The following CAMK2D variants were observed in gnomAD, a reference collection of about 807,000 sequenced individuals.
CAMK2D encodes the protein calcium/calmodulin dependent protein kinase II delta, also known as calcium/calmodulin-dependent protein kinase type II subunit delta.
Under a neutral mutation model 84.0 loss-of-function variants are expected in CAMK2D, and 37 were observed. The observed-to-expected ratio is 0.44, with a 90% CI of 0.34 to 0.58. The LOEUF (loss-of-function observed/expected upper bound fraction) is 0.58. Ranked by LOEUF, CAMK2D falls within the 20% of genes least tolerant of loss-of-function variation. The probability of loss-of-function intolerance (pLI) is 0.02; values close to 1 mark genes in which losing one functional copy is unlikely to be tolerated. For missense variants in CAMK2D, 448 were observed against 652.5 expected (o/e 0.69, Z 3.41); for synonymous variants, 202 against 212.5 (o/e 0.95, Z 0.43).
At chr4:113,464,939 T>C (rs1056422689) in intron 17 of CAMK2D, among the ~76,000 whole-genome samples, 1 of 152,254 alleles carries the variant, frequency 6.6e-6, no homozygotes, top group East Asian at 1.9e-4. Flanking sequence ...TCTGGACTTC[T>C]GTATGTGTGA....
Position 113,517,567 on chromosome 4 carries a change from TA to T in CAMK2D, c.691del (p.Tyr231MetfsTer11). The part of the protein sequence containing the change: ...RLYQQIKAGA[Y>X]DFPSPEWDTV... ...ATATAAATAGTTATTACATACATCA[TA>T]AGCTCCAGCCTTGATCTGCTGATAG... On this transcript the variant is annotated frameshift_variant, in exon 9 of 21. Coordinates refer to ENST00000511664, the MANE Select transcript of CAMK2D (RefSeq NM_001321571.2). LOFTEE classifies it high-confidence loss of function. 1 of 1,511,872 alleles carries T rather than the reference TA, an allele frequency of 6.6e-7. No individual in the cohort carries two copies. The highest frequency in any genetic ancestry group is 9.2e-7 in the Non-Finnish European group (1 of 1,091,000). The allele number at this position is 1,511,872 out of a possible 1,614,324, so 93.7% of individuals were successfully genotyped here. A position where few individuals can be genotyped will look rare whatever the true frequency, so the allele number is the denominator to read the frequency against.
chr4:113,502,596 T>C (rs2098068137), intron 15 of CAMK2D, among the ~76,000 whole-genome samples: 1 of 150,842 alleles, frequency 6.6e-6, no homozygotes, highest in East Asian at 1.9e-4. Context: ...TAAAATATCA[T>C]GCACAATATA....
intron 4 of CAMK2D, among the ~76,000 whole-genome samples, chr4:113,565,195 A>G (rs1591304909): frequency 6.6e-6 from 1 of 152,196 alleles, no homozygotes. Flanking sequence ...TTTGTGAAAG[A>G]GAACAGGCAA....
rs79922087 is a variant in CAMK2D at position 113,715,943 on chromosome 4, A to G, written c.160+43377T>C. 7.5e-3 allele frequency among the ~76,000 whole-genome samples: 1,140 copies of G among 152,280 alleles called. 15 individuals carry two copies. The highest frequency in any genetic ancestry group is 0.026 in the African/African-American group (1,064 of 41,544). On this transcript the variant is annotated intron_variant, in intron 2 of 20. Coordinates refer to ENST00000511664, the MANE Select transcript of CAMK2D (RefSeq NM_001321571.2). ...TTTCTCTGAAAAGCCTAATGCCAGA[A>G]ACAGAGAAAAAGCCATACTTGTGCC...
intron 4 of CAMK2D, among the ~76,000 whole-genome samples, chr4:113,596,523 T>C (rs1205395783): frequency 1.3e-5 from 2 of 152,216 alleles, no homozygotes; most frequent in East Asian, 1.9e-4. Context: ...ACTTAAAAGA[T>C]AATATGACTC....
chr4:113,696,179 GACAC>G (rs1299460952), intron 2 of CAMK2D, among the ~76,000 whole-genome samples: 2 of 74,146 alleles, frequency 2.7e-5, no homozygotes, highest in African/African-American at 4.7e-5. Flanking sequence ...TTGACAGACA[GACAC>G]ACAGACACAC....
intron 2 of CAMK2D, among the ~76,000 whole-genome samples, chr4:113,670,294 A>T (rs1339398239): frequency 2.0e-5 from 3 of 150,390 alleles, no homozygotes; most frequent in Non-Finnish European, 4.4e-5. Context: ...AAAATAAATA[A>T]ATAAACAAAC....
At chr4:113,694,300 G>T (rs1225280633) in intron 2 of CAMK2D, among the ~76,000 whole-genome samples, 2 of 152,164 alleles carry the variant, frequency 1.3e-5, no homozygotes, top group African/African-American at 2.4e-5. Flanking sequence ...TATTAATGAA[G>T]CATTAACACA....
chr4:113,569,760 T>C (rs571485214), intron 4 of CAMK2D, among the ~76,000 whole-genome samples: 3 of 152,292 alleles, frequency 2.0e-5, no homozygotes, highest in East Asian at 1.9e-4. Flanking sequence ...AAACATTAAA[T>C]TGGCTTTTAT....
chr4:113,511,224 T>A (rs1213742661), intron 12 of CAMK2D, among the ~76,000 whole-genome samples: 1 of 152,170 alleles, frequency 6.6e-6, no homozygotes, highest in African/African-American at 2.4e-5. Flanking sequence ...ATAGGATGAA[T>A]AAAATACTCT....
Position 113,473,999 on chromosome 4 carries a change from TTAAA to T in CAMK2D, c.1136-8399_1136-8396del, listed in dbSNP as rs578108190. The stretch of plus-strand genomic sequence containing the variant: ...ATAAAGATTTTCATTAAAAAATGAC[TTAAA>T]TAAATGTTTTAGAGTCTAAAGAAAC... On this transcript the variant is annotated intron_variant, in intron 16 of 20. Transcript: ENST00000511664. Among the ~76,000 whole-genome samples, 550 of 152,310 alleles carry T rather than the reference TTAAA, an allele frequency of 3.6e-3. 3 individuals are homozygous for T. The highest frequency in any genetic ancestry group is 0.012 in the African/African-American group (493 of 41,572).
intron 3 of CAMK2D, among the ~76,000 whole-genome samples, chr4:113,648,969 G>A (rs2099162292): frequency 6.6e-6 from 1 of 152,144 alleles, no homozygotes. Flanking sequence ...TTCTCCCAAT[G>A]TTTTTTCCTC....
At chr4:113,756,018 G>A (rs531178218) in intron 2 of CAMK2D, among the ~76,000 whole-genome samples, 2 of 152,050 alleles carry the variant, frequency 1.3e-5, no homozygotes, top group East Asian at 1.9e-4. Context: ...ATATATGAGT[G>A]TACCCATCTA....
intron 3 of CAMK2D, among the ~76,000 whole-genome samples, chr4:113,641,556 G>A (rs974288612): frequency 6.6e-6 from 1 of 152,310 alleles, no homozygotes; most frequent in African/African-American, 2.4e-5. Flanking sequence ...GTGATAAAGA[G>A]GACAGGGAGC....
At chr4:113,618,063 A>G (rs933926762) in intron 3 of CAMK2D, among the ~76,000 whole-genome samples, 2 of 152,136 alleles carry the variant, frequency 1.3e-5, no homozygotes, top group Non-Finnish European at 2.9e-5. Context: ...AAGATCCTAT[A>G]AGATCCTTTC....
At chr4:113,589,150 A>G (rs1174569928) in intron 4 of CAMK2D, among the ~76,000 whole-genome samples, 1 of 152,090 alleles carries the variant, frequency 6.6e-6, no homozygotes, top group East Asian at 1.9e-4. Context: ...GGAGAGCAGT[A>G]GGCAATGTGG....
intron 16 of CAMK2D, among the ~76,000 whole-genome samples, chr4:113,496,693 C>T (rs1399151705): frequency 6.6e-6 from 1 of 152,052 alleles, no homozygotes. Context: ...AAGGGATCTG[C>T]CTGCCTCAGC....
At chr4:113,745,796 T>C (rs2099602881) in intron 2 of CAMK2D, among the ~76,000 whole-genome samples, 2 of 152,192 alleles carry the variant, frequency 1.3e-5, no homozygotes, top group African/African-American at 2.4e-5. Context: ...GCTGGCCAAA[T>C]TCCAATCCAG....
intron 4 of CAMK2D, among the ~76,000 whole-genome samples, chr4:113,591,876 A>G (rs185125064): frequency 2.0e-4 from 30 of 152,210 alleles, no homozygotes; most frequent in African/African-American, 6.7e-4. Context: ...TCCCCAGCTC[A>G]TTAGACACCA....
Sources: allele counts gnomAD v4.1 joint callset (sites outside exome capture counted in the v4.1 genomes callset), GRCh38; gene constraint gnomAD v4.1.1; transcripts MANE v1.5; gene names NCBI Gene and HGNC (gene_info 2026-07-23, HGNC 2026-07-21).